NEMF: variants seen among roughly 807,000 people sequenced by gnomAD.
NEMF encodes ribosome quality control complex subunit NEMF.
NEMF carries 89 observed loss-of-function variants against 162.2 expected under a neutral mutation model. The ratio of observed to expected loss-of-function variants is 0.55; its 90% CI spans 0.46 to 0.65. NEMF has a LOEUF of 0.65. Among genes scored for constraint, NEMF ranks in the 30% least tolerant of loss-of-function variants. NEMF has a pLI of 0.00. For missense variants in NEMF, 1,133 were observed against 1,261.9 expected, an observed-to-expected ratio of 0.90 and a Z score of 1.55; for synonymous variants, 421 against 404.5, an observed-to-expected ratio of 1.04 and a Z score of -0.49.
At chr14:49,837,118 C>A (rs1892943675) in intron 6 of NEMF, among the ~76,000 whole-genome samples, 1 of 151,670 alleles carries the variant, frequency 6.6e-6, no homozygotes, top group Non-Finnish European at 1.5e-5. Context: ...ACTAAAAATA[C>A]AAAAAAAATT....
intron 7 of NEMF, 116 bp downstream of exon 7, chr14:49,834,247 T>G (rs1235843123): frequency 4.5e-6 from 3 of 672,416 alleles, no homozygotes; most frequent in Non-Finnish European, 8.0e-6. Context: ...TGAGCCAGTG[T>G]GCCTGGTCAA....
intron 1 of NEMF, 107 bp downstream of exon 1, chr14:49,852,588 G>C: frequency 1.6e-6 from 2 of 1,222,806 alleles, no homozygotes; most frequent in Admixed American, 1.9e-5. Context: ...GTCCATAGAC[G>C]CACTAGGAAA....
Position 49,795,956 on chromosome 14 carries a change from A to C in NEMF, c.2466-12T>G. ...TCTTTTTCATTTCCCTGAATAAAAA[A>C]GACATGAAAACATTTCATTCTTAGA... On this transcript the variant is annotated splice_polypyrimidine_tract_variant and intron_variant, in intron 25 of 32. Coordinates refer to ENST00000298310, the MANE Select transcript of NEMF (RefSeq NM_004713.6). 1 of 1,578,888 alleles carries C rather than the reference A, an allele frequency of 6.3e-7. No individual in the cohort carries two copies. The highest frequency in any genetic ancestry group is 8.6e-7 in the Non-Finnish European group (1 of 1,168,626).
intron 18 of NEMF, among the ~76,000 whole-genome samples, chr14:49,813,079 C>T (rs1319013705): frequency 6.6e-6 from 1 of 151,970 alleles, no homozygotes; most frequent in Non-Finnish European, 1.5e-5. Context: ...CCAGCCGAGG[C>T]TTGTTTTATA....
chr14:49,832,281 C>T lies in NEMF; in HGVS notation c.736-4G>A, dbSNP rs1351103021. ...CTCTTTTCTGAATGATATATCCCTA[C>T]AAAAATGCAACATTAAAATCATTCC... On this transcript the variant is annotated splice_region_variant and splice_polypyrimidine_tract_variant and intron_variant, in intron 8 of 32. Transcript: ENST00000298310. 6.5e-7 allele frequency: 1 copy of T among 1,544,104 alleles called. No individual in the cohort carries two copies. Among genetic ancestry groups the T allele is most frequent in the Admixed American group, 1.9e-5 (1 of 53,146 alleles).
In NEMF at chr14:49,814,735, G is replaced by T. The variant is rs368433895; in HGVS notation, c.1681+19C>A. 1.4e-6 allele frequency: 2 copies of T among 1,458,682 alleles called. No homozygotes were observed. The highest frequency in any genetic ancestry group is 1.5e-5 in the African/African-American group (1 of 68,868). The allele number at this position is 1,458,682 out of a possible 1,614,324, so 90.4% of individuals were successfully genotyped here. ...CAAACATTCAAGAGAAAATTTTTCC[G>T]AATTTTAATCTTACCTACCTGGTGT... On this transcript the variant is annotated intron_variant, in intron 17 of 32. Coordinates refer to ENST00000298310, the MANE Select transcript of NEMF (RefSeq NM_004713.6).
intron 7 of NEMF, chr14:49,833,966 AAAAAC>A (rs1892768816): frequency 3.3e-6 from 1 of 299,008 alleles, no homozygotes. Flanking sequence ...AAAAACAAAC[AAAAAC>A]AAAACACCAC....
chr14:49,846,404 T>TA, intron 3 of NEMF, 139 bp from the exon 4 acceptor site: 1 of 717,496 alleles, frequency 1.4e-6, no homozygotes, highest in East Asian at 2.6e-5. Context: ...CATAAAGTAA[T>TA]AGATTGCAGA....
At chr14:49,800,366 T>A in intron 23 of NEMF, 54 bp downstream of exon 23, 1 of 1,269,270 alleles carries the variant, frequency 7.9e-7, no homozygotes, top group Admixed American at 2.3e-5. Flanking sequence ...AAGGATTACC[T>A]CATCATCATT....
intron 4 of NEMF, chr14:49,844,830 A>G (rs1893411148): frequency 9.5e-6 from 4 of 421,550 alleles, no homozygotes; most frequent in African/African-American, 2.0e-5. Context: ...GTACAATGGC[A>G]TGATCTCAGC....
chr14:49,793,287 G>A (rs1890540108), intron 26 of NEMF, among the ~76,000 whole-genome samples: 1 of 152,154 alleles, frequency 6.6e-6, no homozygotes, highest in Non-Finnish European at 1.5e-5. Context: ...TACAGATGAA[G>A]TATTAAAATT....
At chr14:49,821,580 G>A (rs1365983389) in intron 16 of NEMF, among the ~76,000 whole-genome samples, 3 of 104,340 alleles carry the variant, frequency 2.9e-5, no homozygotes, top group Non-Finnish European at 4.1e-5. Context: ...CCGTCCGGGA[G>A]GGAGGTGGGG....
At chr14:49,785,943 C>T (rs1364519387) in intron 29 of NEMF, 1 of 149,356 alleles carries the variant, frequency 6.7e-6, no homozygotes, top group African/African-American at 2.5e-5. Flanking sequence ...GTTGCAGAAA[C>T]CTGCTGTGGA....
At chr14:49,820,095 G>A in intron 16 of NEMF, 1 of 218,522 alleles carries the variant, frequency 4.6e-6, no homozygotes, top group Non-Finnish European at 9.2e-6. Context: ...TGGTCTACAG[G>A]CACAAGCCAC....
At chr14:49,836,522 C>A (rs1201104252) in intron 6 of NEMF, among the ~76,000 whole-genome samples, 1 of 151,914 alleles carries the variant, frequency 6.6e-6, no homozygotes, top group Non-Finnish European at 1.5e-5. Context: ...GAGTTCATCC[C>A]TGTAGTCCCA....
chr14:49,838,585 GT>G (rs200414717), intron 5 of NEMF, among the ~76,000 whole-genome samples: 1,338 of 129,770 alleles, frequency 0.01, 10 homozygotes, highest in African/African-American at 0.024. Context: ...TTTTTGTTTG[GT>G]TTTTTTTTTT....
intron 18 of NEMF, among the ~76,000 whole-genome samples, chr14:49,809,023 G>C (rs2139885898): frequency 6.6e-6 from 1 of 152,188 alleles, no homozygotes; most frequent in South Asian, 2.1e-4. Flanking sequence ...CCAAAACACT[G>C]ACAACACTAA....
chr14:49,833,162 A>T (rs560974240), intron 8 of NEMF, among the ~76,000 whole-genome samples: 1 of 152,280 alleles, frequency 6.6e-6, no homozygotes, highest in South Asian at 2.1e-4. Flanking sequence ...GCTACTCGGG[A>T]GGCTGAGACA....
intron 16 of NEMF, among the ~76,000 whole-genome samples, chr14:49,819,929 C>A (rs901244845): frequency 2.6e-5 from 4 of 151,824 alleles, no homozygotes; most frequent in Non-Finnish European, 4.4e-5. Flanking sequence ...TAGAATGCCA[C>A]TTCAGCCACC....
Sources: gnomAD v4.1 joint callset for allele counts (sites outside exome capture counted in the v4.1 genomes callset) on GRCh38, gnomAD v4.1.1 for gene constraint, MANE v1.5 for transcripts, NCBI Gene and HGNC (gene_info 2026-07-23, HGNC 2026-07-21) for gene names.